Variants in EPM2A observed in about 807,000 individuals in gnomAD.
EPM2A encodes laforin.
A neutral mutation model predicts 26.5 loss-of-function variants in EPM2A; 21 were observed. That is an observed-to-expected ratio of 0.79 (90% confidence interval 0.56 to 1.14). EPM2A has a LOEUF of 1.14. EPM2A is among the 50% of genes most tolerant of loss of function. The pLI, the probability that EPM2A is intolerant of heterozygous loss-of-function variation, is 0.00. For synonymous variants in EPM2A, 217 were observed against 177.6 expected (o/e 1.22, Z -1.76); for missense variants, 458 against 440.8 (o/e 1.04, Z -0.35).
At chr6:145,516,488 A>G (rs893321908) in intron 2 of EPM2A, among the ~76,000 whole-genome samples, 2 of 152,156 alleles carry the variant, frequency 1.3e-5, no homozygotes, top group African/African-American at 4.8e-5. Context: ...TAAGATCAAG[A>G]TAGGGATGGG....
intron 2 of EPM2A, among the ~76,000 whole-genome samples, chr6:145,546,360 C>T (rs1356908167): frequency 2.0e-5 from 3 of 152,144 alleles, no homozygotes; most frequent in Non-Finnish European, 2.9e-5. Context: ...TCTTCCTTTT[C>T]TCTGCCTTTG....
intron 4 of EPM2A, among the ~76,000 whole-genome samples, chr6:145,441,406 T>G (rs1200341500): frequency 6.6e-6 from 1 of 152,236 alleles, no homozygotes; most frequent in Non-Finnish European, 1.5e-5. Context: ...TAACATGCTC[T>G]GGAGACATTT....
intron 4 of EPM2A, among the ~76,000 whole-genome samples, chr6:145,389,335 A>G (rs1415996042): frequency 6.6e-6 from 1 of 151,770 alleles, no homozygotes; most frequent in Non-Finnish European, 1.5e-5. Context: ...GATTACAGGC[A>G]CCCACCACCA....
At chr6:145,594,804 A>G (rs933631257) in intron 2 of EPM2A, among the ~76,000 whole-genome samples, 2 of 151,908 alleles carry the variant, frequency 1.3e-5, no homozygotes, top group Admixed American at 6.5e-5. Context: ...TAGGACAGCT[A>G]TTTAAGCCAT....
intron 2 of EPM2A, among the ~76,000 whole-genome samples, chr6:145,512,221 T>C (rs185464467): frequency 1.3e-5 from 2 of 152,202 alleles, no homozygotes; most frequent in Non-Finnish European, 2.9e-5. Context: ...ATTACCAATC[T>C]CATTTTCCAC....
intron 2 of EPM2A, among the ~76,000 whole-genome samples, chr6:145,612,567 C>T (rs1262034918): frequency 6.6e-6 from 1 of 151,868 alleles, no homozygotes; most frequent in Non-Finnish European, 1.5e-5. Context: ...CACAGGCAAA[C>T]CTCAGAGATA....
rs1014133463 is a variant in EPM2A, at chr6:145,735,397, C to G, written c.102G>C (p.Pro34=). The G allele has an allele frequency of 1.8e-5, 22 of 1,235,058 alleles. No homozygotes were observed. The highest frequency in any genetic ancestry group is 2.0e-5 in the Non-Finnish European group (20 of 987,070). 76.5% of individuals were successfully genotyped at this position (1,235,058 alleles called of 1,614,324 possible). A position where few individuals can be genotyped will look rare whatever the true frequency, so the allele number is the denominator to read the frequency against. The part of the protein sequence containing the change: ...GSRPELGRWE[P]RGAVRLRPAG... ...CCGGCCTCAGGCGGACGGCACCGCG[C>G]GGCTCCCAACGCCCCAGCTCGGGCC... The change falls in exon 1 of 4, where the codon CCG becomes CCC. Residue 34 remains proline (P), a synonymous_variant. Transcript: ENST00000367519.
chr6:145,577,377 A>G (rs1781046330), intron 2 of EPM2A, among the ~76,000 whole-genome samples: 1 of 151,950 alleles, frequency 6.6e-6, no homozygotes. Context: ...AAACAAAAAA[A>G]AAAGAGCAGG....
At chr6:145,657,538 T>C (rs1283452848) in intron 2 of EPM2A, among the ~76,000 whole-genome samples, 1 of 152,214 alleles carries the variant, frequency 6.6e-6, no homozygotes, top group East Asian at 1.9e-4. Context: ...TTTCTGACCT[T>C]AGTCTTCTTT....
intron 4 of EPM2A, among the ~76,000 whole-genome samples, chr6:145,404,387 T>C (rs1778538211): frequency 6.6e-6 from 1 of 152,154 alleles, no homozygotes; most frequent in Non-Finnish European, 1.5e-5. Context: ...CAGGTCTTTA[T>C]ATACTCGTAT....
chr6:145,697,075 G>T (rs997563237), intron 1 of EPM2A, among the ~76,000 whole-genome samples: 2 of 152,004 alleles, frequency 1.3e-5, no homozygotes, highest in Admixed American at 6.6e-5. Context: ...GTTATTGGGG[G>T]AAATTCAGCC....
chr6:145,671,065 T>C (rs1332325973), intron 2 of EPM2A: 1 of 985,070 alleles, frequency 1.0e-6, no homozygotes, highest in Admixed American at 6.2e-5. Flanking sequence ...TGCCCAGTAA[T>C]GTCTTGACTG....
At chr6:145,572,829 C>T (rs971261267) in intron 2 of EPM2A, among the ~76,000 whole-genome samples, 3 of 152,174 alleles carry the variant, frequency 2.0e-5, no homozygotes, top group Non-Finnish European at 4.4e-5. Flanking sequence ...TTCTGGAACC[C>T]ACTCAAAACT....
chr6:145,707,018 C>A (rs758281511), intron 1 of EPM2A, among the ~76,000 whole-genome samples: 22 of 152,132 alleles, frequency 1.4e-4, no homozygotes, highest in South Asian at 4.1e-4. Flanking sequence ...TGTGAGGCTG[C>A]AGCAAGAAGG....
intron 1 of EPM2A, among the ~76,000 whole-genome samples, chr6:145,695,790 C>T (rs1781538563): frequency 6.6e-6 from 1 of 151,930 alleles, no homozygotes; most frequent in African/African-American, 2.4e-5. Flanking sequence ...ATATTTAAGG[C>T]AGTTATTAAG....
At chr6:145,518,341 C>G (rs1269562622) in intron 2 of EPM2A, among the ~76,000 whole-genome samples, 1 of 152,076 alleles carries the variant, frequency 6.6e-6, no homozygotes, top group Non-Finnish European at 1.5e-5. Context: ...TAATTTGAGT[C>G]TTCATTCCAG....
At chr6:145,531,713 G>T (rs1002366811) in intron 2 of EPM2A, among the ~76,000 whole-genome samples, 2 of 152,130 alleles carry the variant, frequency 1.3e-5, no homozygotes, top group Admixed American at 1.3e-4. Context: ...AGGACCTACA[G>T]CCCTGGATGA....
intron 2 of EPM2A, among the ~76,000 whole-genome samples, chr6:145,664,599 A>ATC (rs1380107026): frequency 6.6e-6 from 1 of 151,454 alleles, no homozygotes; most frequent in African/African-American, 2.4e-5. Context: ...TATTAGACAG[A>ATC]TCAACGAGAC....
At chr6:145,665,932 G>A (rs1385320642) in intron 2 of EPM2A, among the ~76,000 whole-genome samples, 2 of 150,942 alleles carry the variant, frequency 1.3e-5, no homozygotes, top group Non-Finnish European at 2.9e-5. Context: ...TATCTCAATA[G>A]ATGCAGAAAA....
Sources: allele counts gnomAD v4.1 joint callset (sites outside exome capture counted in the v4.1 genomes callset), GRCh38; gene constraint gnomAD v4.1.1; transcripts MANE v1.5; gene names NCBI Gene and HGNC (gene_info 2026-07-23, HGNC 2026-07-21).